CSMD3: variants seen among roughly 807,000 people sequenced by gnomAD.
CSMD3 encodes CUB and Sushi multiple domains 3.
CSMD3 carries 177 observed loss-of-function variants against 435.2 expected under a neutral mutation model. The observed-to-expected ratio is 0.41, with a 90% CI of 0.36 to 0.46. The LOEUF is 0.46. CSMD3 is among the 20% of genes least tolerant of loss of function. The pLI is 0.34. For synonymous variants in CSMD3, 1,656 were observed against 1,520.5 expected (o/e 1.09, Z -2.07); for missense variants, 4,265 against 4,504.6 (o/e 0.95, Z 1.52).
intron 1 of CSMD3, among the ~76,000 whole-genome samples, chr8:113,331,422 TC>T (rs1470463286): frequency 2.0e-5 from 3 of 151,732 alleles, no homozygotes; most frequent in African/African-American, 7.2e-5. Flanking sequence ...AAGAAACATT[TC>T]CCAACTAATT....
chr8:113,371,301 T>C (rs2133051763), intron 1 of CSMD3, among the ~76,000 whole-genome samples: 1 of 152,232 alleles, frequency 6.6e-6, no homozygotes, highest in Non-Finnish European at 1.5e-5. Flanking sequence ...TAATAAACTT[T>C]AAGTGGAATA....
intron 4 of CSMD3, among the ~76,000 whole-genome samples, chr8:113,132,885 G>C (rs1490566875): frequency 6.6e-5 from 10 of 152,038 alleles, no homozygotes; most frequent in Non-Finnish European, 1.5e-5. Context: ...TGTATCCTGT[G>C]ACCTCAGGGT....
At chr8:112,707,601 T>C (rs966824680) in intron 13 of CSMD3, among the ~76,000 whole-genome samples, 7 of 152,002 alleles carry the variant, frequency 4.6e-5, no homozygotes, top group Admixed American at 2.0e-4. Flanking sequence ...AATATAATAC[T>C]AGGTCTTTGG....
At chr8:113,337,494 G>C (rs538811976) in intron 1 of CSMD3, among the ~76,000 whole-genome samples, 1 of 152,038 alleles carries the variant, frequency 6.6e-6, no homozygotes, top group Non-Finnish European at 1.5e-5. Context: ...ACTCAAAAAG[G>C]ACAACAGAAC....
At chr8:112,237,136 A>G in intron 67 of CSMD3, 54 bp downstream of exon 67, 1 of 1,551,646 alleles carries the variant, frequency 6.4e-7, no homozygotes, top group Non-Finnish European at 8.9e-7. Context: ...TGATGAAATC[A>G]TAATAGAAAT....
chr8:112,864,744 G>A (rs1205686197), intron 10 of CSMD3, among the ~76,000 whole-genome samples: 2 of 152,080 alleles, frequency 1.3e-5, no homozygotes, highest in Non-Finnish European at 2.9e-5. Context: ...CGGAAAGATA[G>A]GGCATGTTCT....
chr8:112,530,698 T>A (rs903302399), intron 27 of CSMD3, among the ~76,000 whole-genome samples: 1 of 152,112 alleles, frequency 6.6e-6, no homozygotes, highest in Admixed American at 6.6e-5. Context: ...AACACAAGAA[T>A]ATATAAAACT....
intron 2 of CSMD3, among the ~76,000 whole-genome samples, chr8:113,284,584 T>C (rs1222041999): frequency 6.6e-6 from 1 of 152,158 alleles, no homozygotes; most frequent in African/African-American, 2.4e-5. Context: ...GTTCGAAAAC[T>C]TATTTTAAGG....
chr8:113,405,836 T>G (rs2094530289), intron 1 of CSMD3, among the ~76,000 whole-genome samples: 1 of 151,814 alleles, frequency 6.6e-6, no homozygotes, highest in South Asian at 2.1e-4. Flanking sequence ...ATAATGTAAA[T>G]GCATGCTTCC....
intron 32 of CSMD3, among the ~76,000 whole-genome samples, chr8:112,464,913 C>T (rs972991821): frequency 5.3e-5 from 8 of 152,060 alleles, no homozygotes; most frequent in South Asian, 2.1e-4. Context: ...TAATCATCAG[C>T]GTTATTGCCT....
chr8:112,583,273 G>A (rs774301532), intron 23 of CSMD3, among the ~76,000 whole-genome samples: 15 of 151,890 alleles, frequency 9.9e-5, no homozygotes, highest in Non-Finnish European at 1.8e-4. Flanking sequence ...AGAAAAATGA[G>A]GAGAGAGGAG....
chr8:112,677,606 T>G (rs899481729), intron 16 of CSMD3, among the ~76,000 whole-genome samples: 1 of 151,320 alleles, frequency 6.6e-6, no homozygotes, highest in Non-Finnish European at 1.5e-5. Context: ...AGAATATCAA[T>G]GCAAAGCCAA....
At chr8:112,944,992 G>A (rs2083559901) in intron 9 of CSMD3, among the ~76,000 whole-genome samples, 1 of 151,500 alleles carries the variant, frequency 6.6e-6, no homozygotes, top group Non-Finnish European at 1.5e-5. Context: ...TTTCAATTAT[G>A]TTCAACTAAT....
At position 112,224,702 on chromosome 8, in the gene CSMD3, C is replaced by A. The variant is rs2129754319; in HGVS notation, c.*69G>T. The A allele has an allele frequency of 6.7e-7, 1 of 1,485,984 alleles. No homozygotes were observed. The highest frequency in any genetic ancestry group is 9.4e-7 in the Non-Finnish European group (1 of 1,063,244). The allele number at this position is 1,485,984 out of a possible 1,614,324, so 92.0% of individuals were successfully genotyped here. ...GAAAAGTGTGCTTTAATTTGTTTAGCAGTGAACTAAATGTGCACTGTTTTG... is the reference window on the plus strand; with the variant it reads ...GAAAAGTGTGCTTTAATTTGTTTAGAAGTGAACTAAATGTGCACTGTTTTG... On this transcript the variant is annotated 3_prime_UTR_variant, in exon 71 of 71. Transcript: ENST00000297405.
intron 2 of CSMD3, among the ~76,000 whole-genome samples, chr8:113,288,705 G>A (rs1313705962): frequency 6.6e-6 from 1 of 151,478 alleles, no homozygotes; most frequent in Non-Finnish European, 1.5e-5. Context: ...TTTTTCTAAG[G>A]TTTCTAAGAA....
intron 10 of CSMD3, among the ~76,000 whole-genome samples, chr8:112,919,841 A>C (rs1015792178): frequency 7.9e-5 from 12 of 151,876 alleles, no homozygotes; most frequent in Non-Finnish European, 1.2e-4. Flanking sequence ...ATAAGAAAAT[A>C]TGAGATACTG....
intron 32 of CSMD3, among the ~76,000 whole-genome samples, chr8:112,427,885 C>T (rs2130361062): frequency 6.6e-6 from 1 of 152,290 alleles, no homozygotes; most frequent in East Asian, 1.9e-4. Context: ...AGTAAAGTTC[C>T]TGTGTACAAA....
chr8:113,270,230 C>T (rs963340535), intron 3 of CSMD3, among the ~76,000 whole-genome samples: 1 of 151,122 alleles, frequency 6.6e-6, no homozygotes, highest in Admixed American at 6.6e-5. Flanking sequence ...CACTGGCCAT[C>T]AGAGAAATGC....
At chr8:112,578,685 T>G (rs563540315) in intron 23 of CSMD3, among the ~76,000 whole-genome samples, 64 of 152,178 alleles carry the variant, frequency 4.2e-4, no homozygotes, top group African/African-American at 1.5e-3. Context: ...TACAGAGATA[T>G]TGACAAACTT....
Sources: allele counts gnomAD v4.1 joint callset (sites outside exome capture counted in the v4.1 genomes callset), GRCh38; gene constraint gnomAD v4.1.1; transcripts MANE v1.5; gene names NCBI Gene and HGNC (gene_info 2026-07-23, HGNC 2026-07-21).